TRDN: variants seen among roughly 807,000 people sequenced by gnomAD.
The protein encoded by TRDN is triadin, also known as triadin in skeletal muscle.
TRDN carries 161 observed loss-of-function variants against 149.7 expected under a neutral mutation model. The ratio of observed to expected loss-of-function variants is 1.08; its 90% confidence interval spans 0.95 to 1.23. The LOEUF (loss-of-function observed/expected upper bound fraction) is 1.23, where lower values mean the gene tolerates loss of function less well. Among genes scored for constraint, TRDN ranks in the 50% most tolerant of loss-of-function variants. The pLI, the probability that TRDN is intolerant of heterozygous loss-of-function variation, is 0.00. For missense variants in TRDN, 896 were observed against 823.5 expected (o/e 1.09, Z -1.08); for synonymous variants, 294 against 250.5 (o/e 1.17, Z -1.64).
At chr6:123,381,480 A>AC (rs1422413454) in intron 15 of TRDN, 90 bp from the exon 16 acceptor site, 3 of 1,242,034 alleles carry the variant, frequency 2.4e-6, no homozygotes, top group Non-Finnish European at 3.4e-6. Context: ...AATTTTTCCC[A>AC]CCCCTCCTTC....
intron 21 of TRDN, among the ~76,000 whole-genome samples, chr6:123,347,843 A>G (rs1319442479): frequency 2.6e-5 from 4 of 152,108 alleles, no homozygotes; most frequent in Non-Finnish European, 4.4e-5. Flanking sequence ...GTCACAGAAC[A>G]AATGATTGAT....
chr6:123,356,528 T>TAC (rs1780689163), intron 20 of TRDN, among the ~76,000 whole-genome samples: 2 of 109,906 alleles, frequency 1.8e-5, no homozygotes, highest in African/African-American at 5.6e-5. Context: ...TATATATATA[T>TAC]ATATATATAT....
At chr6:123,423,684 T>C (rs1054086003) in intron 12 of TRDN, among the ~76,000 whole-genome samples, 30 of 152,156 alleles carry the variant, frequency 2.0e-4, no homozygotes, top group African/African-American at 7.2e-4. Context: ...GTCAGGGGAA[T>C]AGTACTTTCC....
In TRDN at chr6:123,379,727, C is replaced by T. The variant is rs567780063; in HGVS notation, c.1186+1643G>A. 5.9e-5 allele frequency among the ~76,000 whole-genome samples: 9 copies of T among 152,242 alleles called. No homozygotes were observed. The East Asian group carries it at 1.7e-3, about 29-fold the overall frequency. On this transcript the variant is annotated intron_variant, in intron 16 of 40. Transcript: ENST00000334268. ...TTATTGAATTACCTTAGTAAATATACATTGATTTACCCTTTAACTCTACAG... is the reference window on the plus strand; with the variant it reads ...TTATTGAATTACCTTAGTAAATATATATTGATTTACCCTTTAACTCTACAG...
intron 9 of TRDN, among the ~76,000 whole-genome samples, chr6:123,473,641 G>A (rs1158123565): frequency 1.3e-5 from 2 of 151,246 alleles, no homozygotes; most frequent in African/African-American, 4.9e-5. Context: ...ACACATAATT[G>A]TCAGATTCAC....
chr6:123,475,075 A>T (rs1165838090), intron 9 of TRDN, among the ~76,000 whole-genome samples: 1 of 150,768 alleles, frequency 6.6e-6, no homozygotes, highest in Non-Finnish European at 1.5e-5. Context: ...AACTGAAGGA[A>T]ATAGAGATAC....
intron 1 of TRDN, among the ~76,000 whole-genome samples, chr6:123,580,631 T>C (rs1449067936): frequency 1.3e-5 from 2 of 152,182 alleles, no homozygotes; most frequent in African/African-American, 4.8e-5. Flanking sequence ...ACCATGATTA[T>C]TATACCCTTT....
chr6:123,464,502 C>A (rs1776669116), intron 10 of TRDN: 1 of 996,158 alleles, frequency 1.0e-6, no homozygotes, highest in East Asian at 9.8e-5. Context: ...AAATAACTTT[C>A]CAAATTTACA....
intron 10 of TRDN, among the ~76,000 whole-genome samples, chr6:123,453,599 T>TA (rs1159584476): frequency 8.0e-5 from 12 of 149,540 alleles, no homozygotes; most frequent in Admixed American, 8.0e-4. Context: ...ATAAAAAAAA[T>TA]AAAAAAACAG....
chr6:123,257,592 G>T (rs942397697), intron 35 of TRDN, among the ~76,000 whole-genome samples: 19 of 152,092 alleles, frequency 1.2e-4, no homozygotes, highest in African/African-American at 4.3e-4. Flanking sequence ...CTCCAGCTTT[G>T]TTCTGTTTGC....
intron 1 of TRDN, among the ~76,000 whole-genome samples, chr6:123,617,970 C>A (rs930780032): frequency 6.6e-6 from 1 of 152,040 alleles, no homozygotes; most frequent in Non-Finnish European, 1.5e-5. Context: ...CTCCTGACCT[C>A]AGGTGATCCG....
chr6:123,333,969 T>C (rs963113171), intron 22 of TRDN, among the ~76,000 whole-genome samples: 2 of 152,042 alleles, frequency 1.3e-5, no homozygotes, highest in Non-Finnish European at 2.9e-5. Flanking sequence ...AACATTGTTA[T>C]GGAAAAATAA....
At chr6:123,617,576 A>T (rs977820644) in intron 1 of TRDN, among the ~76,000 whole-genome samples, 1 of 152,160 alleles carries the variant, frequency 6.6e-6, no homozygotes, top group Non-Finnish European at 1.5e-5. Context: ...AGTCATTGCT[A>T]CAGAAAGAAT....
chr6:123,525,001 T>C (rs994241919), intron 5 of TRDN, among the ~76,000 whole-genome samples: 3 of 152,008 alleles, frequency 2.0e-5, no homozygotes. Flanking sequence ...CACAACCACA[T>C]TGAGATATCA....
At chr6:123,432,602 CA>C (rs1774378486) in intron 12 of TRDN, among the ~76,000 whole-genome samples, 1 of 152,060 alleles carries the variant, frequency 6.6e-6, no homozygotes, top group African/African-American at 2.4e-5. Flanking sequence ...AGACAAAACA[CA>C]AAAGACTTTA....
chr6:123,404,936 A>G (rs1773134959), intron 12 of TRDN, among the ~76,000 whole-genome samples: 1 of 152,224 alleles, frequency 6.6e-6, no homozygotes, highest in Non-Finnish European at 1.5e-5. Context: ...GAGGAACAGT[A>G]GTCCCCAATG....
intron 20 of TRDN, among the ~76,000 whole-genome samples, chr6:123,359,078 A>C (rs919239541): frequency 2.0e-5 from 3 of 152,218 alleles, no homozygotes; most frequent in African/African-American, 7.2e-5. Context: ...GAAACATTGG[A>C]ATAAATCACT....
At chr6:123,256,336 C>G (rs1279200336) in intron 35 of TRDN, among the ~76,000 whole-genome samples, 1 of 152,114 alleles carries the variant, frequency 6.6e-6, no homozygotes, top group African/African-American at 2.4e-5. Context: ...TGCAGTCTAT[C>G]ATTGATGGGC....
At chr6:123,442,453 G>T (rs1774966433) in intron 10 of TRDN, 1 of 138,578 alleles carries the variant, frequency 7.2e-6, no homozygotes, top group Admixed American at 7.1e-5. Flanking sequence ...GGCTGAGGCA[G>T]GAGAATGGCG....
Sources: gnomAD v4.1 joint callset for allele counts (sites outside exome capture counted in the v4.1 genomes callset) on GRCh38, gnomAD v4.1.1 for gene constraint, MANE v1.5 for transcripts, NCBI Gene and HGNC (gene_info 2026-07-23, HGNC 2026-07-21) for gene names.